PPT1: variants seen among roughly 807,000 people sequenced by gnomAD.
PPT1 encodes the protein palmitoyl-protein thioesterase 1.
Under a neutral mutation model 44.0 loss-of-function variants are expected in PPT1, and 24 were observed. That is an observed-to-expected ratio of 0.54 (90% CI 0.39 to 0.77). The LOEUF (loss-of-function observed/expected upper bound fraction) is 0.77, where lower values mean the gene tolerates loss of function less well. Among genes scored for constraint, PPT1 ranks in the 30% least tolerant of loss-of-function variants. The probability of loss-of-function intolerance (pLI) is 0.00; values close to 1 mark genes in which losing one functional copy is unlikely to be tolerated. For synonymous variants in PPT1, 148 were observed against 140.2 expected (o/e 1.06, Z -0.39); for missense variants, 341 against 378.8 (o/e 0.90, Z 0.83).
At chr1:40,092,276 A>C in intron 2 of PPT1, 104 bp from the exon 3 acceptor site, 7 of 1,552,496 alleles carry the variant, frequency 4.5e-6, no homozygotes, top group Non-Finnish European at 6.2e-6. Flanking sequence ...CACATGAGCC[A>C]CTCAAGGGTG....
intron 7 of PPT1, among the ~76,000 whole-genome samples, chr1:40,077,588 C>G (rs930360419): frequency 1.3e-5 from 2 of 152,122 alleles, no homozygotes; most frequent in African/African-American, 4.8e-5. Flanking sequence ...AGCACCAAAA[C>G]GGGTAGCAGG....
intron 4 of PPT1, 92 bp from the exon 5 acceptor site, chr1:40,089,604 G>T: frequency 2.2e-6 from 2 of 897,214 alleles, no homozygotes; most frequent in Non-Finnish European, 1.9e-6. Flanking sequence ...AAAATGAACA[G>T]GACCAAACTC....
intron 3 of PPT1, among the ~76,000 whole-genome samples, chr1:40,091,734 G>A (rs552915515): frequency 1.4e-3 from 206 of 151,970 alleles, no homozygotes; most frequent in African/African-American, 4.8e-3. Context: ...GTGTGGTGGT[G>A]AGCACCTATA....
chr1:40,088,039 A>G (rs1002773125), intron 5 of PPT1, among the ~76,000 whole-genome samples: 1 of 152,194 alleles, frequency 6.6e-6, no homozygotes, highest in Non-Finnish European at 1.5e-5. Flanking sequence ...ACTGTAATAA[A>G]AAGTTGTTAT....
downstream of PPT1, chr1:40,072,370 C>T (rs1206117190): frequency 1.0e-5 from 3 of 300,070 alleles, no homozygotes; most frequent in Non-Finnish European, 1.8e-5. Context: ...TCATGCTCAT[C>T]AGCTTATGGC....
At chr1:40,076,648 G>A in intron 8 of PPT1, 194 bp downstream of exon 8, 1 of 1,411,468 alleles carries the variant, frequency 7.1e-7, no homozygotes. Context: ...TTGTAACCCA[G>A]TGCCTAATAA....
chr1:40,086,858 T>C (rs138706894), intron 5 of PPT1, among the ~76,000 whole-genome samples: 2 of 152,076 alleles, frequency 1.3e-5, no homozygotes, highest in Non-Finnish European at 2.9e-5. Context: ...CAATTCTTGA[T>C]TCTAGGCCCT....
In PPT1 at chr1:40,073,951, A is replaced by G; in HGVS notation, c.*110T>C. 1.4e-6 allele frequency: 2 copies of G among 1,411,548 alleles called. No individual in the cohort carries two copies. Among genetic ancestry groups the G allele is most frequent in the Non-Finnish European group, 2.0e-6 (2 of 1,005,440 alleles). The allele number at this position is 1,411,548 out of a possible 1,614,324, so 87.4% of individuals were successfully genotyped here. A position where few individuals can be genotyped will look rare whatever the true frequency, so the allele number is the denominator to read the frequency against. On this transcript the variant is annotated 3_prime_UTR_variant, in exon 9 of 9. Transcript: ENST00000642050. ...GTAGGGCATGTTAGATGATAGAAGG[A>G]TTAGTTGCAAGCTGGATCTGAGCTC...
At chr1:40,095,081 T>C (rs989870200) in intron 1 of PPT1, among the ~76,000 whole-genome samples, 1 of 152,252 alleles carries the variant, frequency 6.6e-6, no homozygotes, top group Non-Finnish European at 1.5e-5. Flanking sequence ...CATCTTTATA[T>C]TGCTAAATCC....
chr1:40,096,870 A>G, intron 1 of PPT1: 1 of 625,816 alleles, frequency 1.6e-6, no homozygotes, highest in Non-Finnish European at 2.8e-6. Context: ...TTAATCAAGG[A>G]CAGCATGTAA....
chr1:40,081,638 GC>G (rs1648948719), intron 5 of PPT1, among the ~76,000 whole-genome samples: 1 of 152,156 alleles, frequency 6.6e-6, no homozygotes, highest in South Asian at 2.1e-4. Context: ...TGTGAGATGT[GC>G]CTTTCGCCTT....
rs769994024 is a variant in PPT1 at position 40,074,103 on chromosome 1, A to T, written c.879T>A (p.Ser293=). 5.6e-6 allele frequency: 9 copies of T among 1,614,188 alleles called. No homozygotes were observed. In the South Asian group the frequency reaches 8.8e-5, roughly 16 times the overall value. ...TGATGTGGGCATAAAACCATTCTTC[A>T]GACAACTGAAGATGGTCCCCTTCTG... is the stretch of plus-strand genomic sequence containing the variant. ...LATEGDHLQL[S]EEWFYAHIIP... Residue 293 remains serine (S), a synonymous_variant, in exon 9 of 9, where the codon TCT becomes TCA. Coordinates refer to ENST00000642050, the MANE Select transcript of PPT1 (RefSeq NM_000310.4).
Position 40,073,895 on chromosome 1 carries a change from A to G in PPT1, c.*166T>C. 1 of 928,156 alleles carries G rather than the reference A, an allele frequency of 1.1e-6. No individual in the cohort carries two copies. The highest frequency in any genetic ancestry group is 2.1e-5 in the Admixed American group (1 of 47,602). The allele number at this position is 928,156 out of a possible 1,614,324, so 57.5% of individuals were successfully genotyped here. A position where few individuals can be genotyped will look rare whatever the true frequency, so the allele number is the denominator to read the frequency against. On this transcript the variant is annotated 3_prime_UTR_variant, in exon 9 of 9. Transcript: ENST00000642050. ...ACCATATGGTAACAGAAGATGGCAA[A>G]GGATAAGATTCAGATCTTAGATCTT...
intron 1 of PPT1, among the ~76,000 whole-genome samples, chr1:40,095,799 C>T (rs10889147): frequency 0.84 from 128,388 of 152,122 alleles, 54,444 homozygotes; most frequent in Non-Finnish European, 0.89. Context: ...TCCCTGTGAC[C>T]ATCCATGACG....
chr1:40,097,074 G>A lies in PPT1; in HGVS notation c.124+41C>T, dbSNP rs545105820. The A allele has an allele frequency of 3.1e-6, 5 of 1,613,952 alleles. No individual in the cohort carries two copies. In the South Asian group the frequency reaches 4.4e-5, roughly 14 times the overall value. On this transcript the variant is annotated intron_variant, in intron 1 of 8. Coordinates refer to ENST00000642050, the MANE Select transcript of PPT1 (RefSeq NM_000310.4). The stretch of plus-strand genomic sequence containing the variant: ...CAGATGCGAACCCAGGCTAGGAAGA[G>A]AGAGAATCGCCAAACCCTTTTAAAT...
intron 6 of PPT1, chr1:40,078,955 G>A: frequency 1.0e-5 from 4 of 392,650 alleles, no homozygotes; most frequent in Non-Finnish European, 1.5e-5. Flanking sequence ...CCCAGATAGT[G>A]AACACAGTGC....
In PPT1 at chr1:40,097,153, G is replaced by C. The variant is rs778256566; in HGVS notation, c.86C>G (p.Pro29Arg). 6.2e-7 allele frequency: 1 copy of C among 1,614,004 alleles called. No homozygotes were observed. Residue 29 changes from proline to arginine, a missense_variant, in exon 1 of 9, where the codon CCG (proline) becomes CGG (arginine). By Grantham distance (103) the Pro-to-Arg change is moderately radical (BLOSUM62 -2). Coordinates refer to ENST00000642050, the MANE Select transcript of PPT1 (RefSeq NM_000310.4). The part of the protein sequence containing the change: ...CASRALQHLD[P>R]PAPLPLVIWH... ...GATCACCAACGGCAGCGGCGCCGGC[G>C]GGTCCAGATGCTGCAGCGCCCGAGA... is the stretch of plus-strand genomic sequence containing the variant.
intron 3 of PPT1, 75 bp downstream of exon 3, chr1:40,091,970 G>C (rs759033894): frequency 3.1e-5 from 48 of 1,552,946 alleles, no homozygotes; most frequent in Non-Finnish European, 4.0e-5. Flanking sequence ...TGAATTGGAG[G>C]AGTGGATTTA....
Position 40,076,855 on chromosome 1 carries a change from G to A in PPT1, c.785C>T (p.Ser262Phe). 6.2e-7 allele frequency: 1 copy of A among 1,614,170 alleles called. No individual in the cohort carries two copies. Among genetic ancestry groups the A allele is most frequent in the South Asian group, 1.1e-5 (1 of 91,072 alleles). Residue 262 changes from serine (S) to phenylalanine (F), a missense_variant, in exon 8 of 9, where the codon TCC (serine) becomes TTC (phenylalanine). Coordinates refer to ENST00000642050, the MANE Select transcript of PPT1 (RefSeq NM_000310.4). Reference protein sequence around the residue: ...AKETIPLQETSLYTQDRLGLK... With the variant: ...AKETIPLQETFLYTQDRLGLK... ...CCTGCCAGTTACCTGTGTGTACAGG[G>A]AGGTCTCCTGTAAGGGAATGGTTTC...
Sources: gnomAD v4.1 joint callset for allele counts (sites outside exome capture counted in the v4.1 genomes callset) on GRCh38, gnomAD v4.1.1 for gene constraint, MANE v1.5 for transcripts, NCBI Gene and HGNC (gene_info 2026-07-23, HGNC 2026-07-21) for gene names.